PPP2R5E: variants seen among roughly 807,000 people sequenced by gnomAD.
PPP2R5E encodes serine/threonine-protein phosphatase 2A 56 kDa regulatory subunit epsilon isoform.
In PPP2R5E, 4 loss-of-function variants were observed where a neutral mutation model predicts 65.3. That is an observed-to-expected ratio of 0.06 (90% CI 0.03 to 0.14). The LOEUF (loss-of-function observed/expected upper bound fraction) is 0.14. Among genes scored for constraint, PPP2R5E ranks in the 10% least tolerant of loss-of-function variants. PPP2R5E has a pLI of 1.00. For missense variants in PPP2R5E, 274 were observed against 556.1 expected (o/e 0.49, Z 5.10); for synonymous variants, 183 against 187.4 (o/e 0.98, Z 0.19).
intron 3 of PPP2R5E, chr14:63,453,324 T>TAA (rs527370553): frequency 2.0e-5 from 3 of 149,486 alleles, no homozygotes; most frequent in Admixed American, 6.6e-5. Context: ...TGAATAAGAT[T>TAA]AAAAAAAAAA....
chr14:63,454,428 C>T (rs752733478), intron 2 of PPP2R5E, among the ~76,000 whole-genome samples: 26 of 152,108 alleles, frequency 1.7e-4, no homozygotes, highest in Non-Finnish European at 2.2e-4. Flanking sequence ...GAAAAATCTA[C>T]TAAATGAAAC....
At chr14:63,403,569 G>A (rs555714561) in intron 5 of PPP2R5E, among the ~76,000 whole-genome samples, 56 of 151,730 alleles carry the variant, frequency 3.7e-4, no homozygotes, top group African/African-American at 1.0e-3. Flanking sequence ...GTGCTGGGAT[G>A]ACTGTGTGGA....
intron 12 of PPP2R5E, among the ~76,000 whole-genome samples, chr14:63,384,085 C>G (rs536011637): frequency 2.0e-5 from 3 of 152,238 alleles, no homozygotes; most frequent in Admixed American, 6.5e-5. Flanking sequence ...TGGATGGACC[C>G]ACTGTCTGAA....
At position 63,527,655 on chromosome 14, in the gene PPP2R5E, C is replaced by T. The variant is rs376267810; in HGVS notation, c.157+11874G>A. 6.6e-4 allele frequency among the ~76,000 whole-genome samples: 101 copies of T among 152,192 alleles called. 2 individuals carry two copies. In the South Asian group the frequency reaches 0.019, roughly 29 times the overall value. ...CCAAGGCTTAGAAGTCAGCTCCTGG[C>T]CAGGTGTGGTGGCTCAATGCCTGTA... is the stretch of plus-strand genomic sequence containing the variant. On this transcript the variant is annotated intron_variant, in intron 2 of 13. Transcript: ENST00000337537.
chr14:63,507,303 G>T (rs1055430374), intron 2 of PPP2R5E, among the ~76,000 whole-genome samples: 1 of 152,028 alleles, frequency 6.6e-6, no homozygotes, highest in African/African-American at 2.4e-5. Context: ...TGAGTACAAG[G>T]CCCCTTCTAA....
At chr14:63,379,263 C>G (rs1195687105) in intron 13 of PPP2R5E, among the ~76,000 whole-genome samples, 1 of 151,996 alleles carries the variant, frequency 6.6e-6, no homozygotes, top group Non-Finnish European at 1.5e-5. Context: ...CTCCTAACCT[C>G]GTGATCCGCC....
At chr14:63,496,265 G>T (rs1413915944) in intron 2 of PPP2R5E, among the ~76,000 whole-genome samples, 1 of 151,804 alleles carries the variant, frequency 6.6e-6, no homozygotes, top group Non-Finnish European at 1.5e-5. Flanking sequence ...CACTTTGGGA[G>T]GCCAAGGCAG....
chr14:63,422,114 A>T lies in PPP2R5E; in HGVS notation c.355-20T>A, dbSNP rs773184810. The T allele has an allele frequency of 7.6e-6, 12 of 1,588,522 alleles. No individual in the cohort carries two copies. Among genetic ancestry groups the T allele is most frequent in the Middle Eastern group, 1.7e-4 (1 of 6,046 alleles). On this transcript the variant is annotated intron_variant, in intron 3 of 13. Coordinates refer to ENST00000337537, the MANE Select transcript of PPP2R5E (RefSeq NM_006246.5). The stretch of plus-strand genomic sequence containing the variant: ...AGATACCTAAAAATAAACAAGCAGC[A>T]GAGTTAACGGGAAGCACCTTCTGCA...
intron 5 of PPP2R5E, among the ~76,000 whole-genome samples, chr14:63,409,864 T>C (rs546609248): frequency 1.3e-5 from 2 of 152,340 alleles, no homozygotes; most frequent in South Asian, 2.1e-4. Flanking sequence ...ACAACAGGTA[T>C]ACAAACTTGC....
chr14:63,441,613 A>G (rs2139433642), intron 3 of PPP2R5E, among the ~76,000 whole-genome samples: 1 of 152,316 alleles, frequency 6.6e-6, no homozygotes, highest in East Asian at 1.9e-4. Flanking sequence ...TTTCTCCTAT[A>G]AAAATACATA....
chr14:63,473,243 A>G (rs1168582615), intron 2 of PPP2R5E, among the ~76,000 whole-genome samples: 1 of 152,258 alleles, frequency 6.6e-6, no homozygotes, highest in Non-Finnish European at 1.5e-5. Context: ...CCAAGGGAGA[A>G]AAAGACTCGA....
chr14:63,447,100 AT>A (rs1888522520), intron 3 of PPP2R5E, among the ~76,000 whole-genome samples: 1 of 152,122 alleles, frequency 6.6e-6, no homozygotes, highest in African/African-American at 2.4e-5. Context: ...ACGCCCTAAG[AT>A]TTTCAGAATG....
chr14:63,453,987 A>G, intron 2 of PPP2R5E, 102 bp from the exon 3 acceptor site: 2 of 916,742 alleles, frequency 2.2e-6, no homozygotes, highest in Non-Finnish European at 3.1e-6. Context: ...AAAAATAAGA[A>G]TTCACATGAC....
intron 5 of PPP2R5E, among the ~76,000 whole-genome samples, chr14:63,410,977 A>G (rs139834298): frequency 2.1e-3 from 321 of 152,336 alleles, no homozygotes; most frequent in African/African-American, 7.3e-3. Flanking sequence ...CATAAAGTAT[A>G]TAAATGAACT....
chr14:63,485,196 T>TA (rs200719135), intron 2 of PPP2R5E, among the ~76,000 whole-genome samples: 9,324 of 126,328 alleles, frequency 0.074, 335 homozygotes, highest in African/African-American at 0.1. Flanking sequence ...TATACTCATT[T>TA]AAAAAAAAAA....
At chr14:63,454,685 A>T (rs958064045) in intron 2 of PPP2R5E, among the ~76,000 whole-genome samples, 10 of 152,218 alleles carry the variant, frequency 6.6e-5, no homozygotes, top group African/African-American at 2.2e-4. Context: ...TCAGCTAGAA[A>T]GGAGCCTGAT....
intron 2 of PPP2R5E, among the ~76,000 whole-genome samples, chr14:63,471,960 G>C (rs970809356): frequency 6.6e-6 from 1 of 152,170 alleles, no homozygotes; most frequent in African/African-American, 2.4e-5. Flanking sequence ...CAACTACCAA[G>C]GGTTAGAAAG....
chr14:63,413,363 G>C (rs1332284358), intron 5 of PPP2R5E, among the ~76,000 whole-genome samples: 1 of 152,120 alleles, frequency 6.6e-6, no homozygotes, highest in African/African-American at 2.4e-5. Flanking sequence ...AAAAATAGGA[G>C]AACCCTATTA....
At chr14:63,506,266 T>C (rs1255635) in intron 2 of PPP2R5E, among the ~76,000 whole-genome samples, 59,859 of 151,708 alleles carry the variant, frequency 0.39, 14,865 homozygotes, top group African/African-American at 0.72. Context: ...CTGGCTAACA[T>C]GCTGAAACCC....
Sources: allele counts gnomAD v4.1 joint callset (sites outside exome capture counted in the v4.1 genomes callset), GRCh38; gene constraint gnomAD v4.1.1; transcripts MANE v1.5; gene names NCBI Gene and HGNC (gene_info 2026-07-23, HGNC 2026-07-21).